Variants in BRD3 observed in about 807,000 individuals in gnomAD.
BRD3 encodes the protein bromodomain-containing protein 3.
Under a neutral mutation model 66.8 loss-of-function variants are expected in BRD3, and 17 were observed. The observed-to-expected ratio is 0.25, with a 90% CI of 0.17 to 0.38. The LOEUF (loss-of-function observed/expected upper bound fraction) is 0.38, where lower values mean the gene tolerates loss of function less well. Ranked by LOEUF, BRD3 falls within the 10% of genes least tolerant of loss-of-function variation. The pLI is 1.00. For missense variants in BRD3, 713 were observed against 956.1 expected (o/e 0.75, Z 3.35); for synonymous variants, 421 against 393.2 (o/e 1.07, Z -0.84).
chr9:134,044,446 A>T (rs529631567), intron 7 of BRD3, among the ~76,000 whole-genome samples: 2 of 152,334 alleles, frequency 1.3e-5, no homozygotes, highest in Admixed American at 1.3e-4. Context: ...TTAACATGAC[A>T]TTCTGGGTCC....
chr9:134,041,956 G>A lies in BRD3; in HGVS notation c.1216-5C>T, dbSNP rs200483482. 36 of 1,569,886 alleles carry A rather than the reference G, an allele frequency of 2.3e-5. No homozygotes were observed. The highest frequency in any genetic ancestry group is 1.8e-4 in the East Asian group (8 of 44,234). On this transcript the variant is annotated splice_region_variant and splice_polypyrimidine_tract_variant and intron_variant, in intron 7 of 11. Coordinates refer to ENST00000303407, the MANE Select transcript of BRD3 (RefSeq NM_007371.4). ...AAACCTCATCTCAAACACGTCCTGCGGCAGAACAGAGGCTGCCCTGAAGAC... is the reference window on the plus strand; with the variant it reads ...AAACCTCATCTCAAACACGTCCTGCAGCAGAACAGAGGCTGCCCTGAAGAC...
Position 134,031,507 on chromosome 9 carries a change from T to C in BRD3, c.*2083A>G, listed in dbSNP as rs1274842448. ...TAGAAAATACCTTTGAAAACGAGGG[T>C]AACTTTAAAAAATGGAAACTTTCAA... On this transcript the variant is annotated 3_prime_UTR_variant, in exon 12 of 12. Transcript: ENST00000303407. The C allele has an allele frequency of 5.0e-6, 1 of 201,664 alleles. No individual in the cohort carries two copies. The highest frequency in any genetic ancestry group is 1.0e-5 in the Non-Finnish European group (1 of 98,182). The allele number at this position is 201,664 out of a possible 1,614,324, so 12.5% of individuals were successfully genotyped here.
chr9:134,053,193 TG>T, intron 2 of BRD3, 71 bp downstream of exon 2: 1 of 1,523,846 alleles, frequency 6.6e-7, no homozygotes, highest in Non-Finnish European at 9.0e-7. Context: ...CTTTCCAGGA[TG>T]GGGGCAGCAG....
intron 1 of BRD3, chr9:134,053,819 G>A: frequency 3.2e-6 from 1 of 311,548 alleles, no homozygotes; most frequent in Admixed American, 4.7e-5. Context: ...GGCACGGGAG[G>A]GAAGGCCTGG....
At chr9:134,060,901 G>A (rs1371734560) in intron 1 of BRD3, among the ~76,000 whole-genome samples, 1 of 152,230 alleles carries the variant, frequency 6.6e-6, no homozygotes, top group Non-Finnish European at 1.5e-5. Context: ...TCTCCATAGG[G>A]CACAGGAGGA....
At chr9:134,035,787 T>C (rs1342707682) in intron 10 of BRD3, among the ~76,000 whole-genome samples, 1 of 152,244 alleles carries the variant, frequency 6.6e-6, no homozygotes, top group African/African-American at 2.4e-5. Context: ...GTGCTGCCCA[T>C]GTCCCCAAGA....
chr9:134,033,162 G>C lies in BRD3; in HGVS notation c.*428C>G. 1 of 401,362 alleles carries C rather than the reference G, an allele frequency of 2.5e-6. No individual in the cohort carries two copies. Among genetic ancestry groups the C allele is most frequent in the South Asian group, 1.2e-4 (1 of 8,194 alleles). The allele number at this position is 401,362 out of a possible 1,614,324, so 24.9% of individuals were successfully genotyped here. A position where few individuals can be genotyped will look rare whatever the true frequency, so the allele number is the denominator to read the frequency against. On this transcript the variant is annotated 3_prime_UTR_variant, in exon 12 of 12. Coordinates refer to ENST00000303407, the MANE Select transcript of BRD3 (RefSeq NM_007371.4). The surrounding 1 kb of genome is among the most constrained non-coding windows in gnomAD (Gnocchi z 5.1). ...TCGGGGCCCAAATGACAAGGACAATGCGTGTTGACAAAGCTAACAGCTTTC... is the reference window on the plus strand; with the variant it reads ...TCGGGGCCCAAATGACAAGGACAATCCGTGTTGACAAAGCTAACAGCTTTC...
intron 3 of BRD3, among the ~76,000 whole-genome samples, chr9:134,051,973 C>T (rs960436672): frequency 1.3e-5 from 2 of 150,766 alleles, no homozygotes; most frequent in African/African-American, 4.9e-5. Context: ...TCACTGCAAC[C>T]TCCACCTCCC....
At chr9:134,042,690 CAT>C (rs1241418538) in intron 7 of BRD3, among the ~76,000 whole-genome samples, 99 of 133,974 alleles carry the variant, frequency 7.4e-4, no homozygotes, top group African/African-American at 2.0e-3. Context: ...CACACACACA[CAT>C]ATACACACAC....
At chr9:134,038,386 G>A (rs918476537) in intron 9 of BRD3, among the ~76,000 whole-genome samples, 1 of 152,148 alleles carries the variant, frequency 6.6e-6, no homozygotes, top group Non-Finnish European at 1.5e-5. Flanking sequence ...GATTACAGGT[G>A]TGAGCCACTG....
At chr9:134,065,596 C>T (rs1368850627) in intron 1 of BRD3, among the ~76,000 whole-genome samples, 5 of 152,248 alleles carry the variant, frequency 3.3e-5, no homozygotes, top group Non-Finnish European at 7.3e-5. Context: ...ATGCCCCCAC[C>T]TCCCAGGCAG....
intron 10 of BRD3, 102 bp downstream of exon 10, chr9:134,035,930 T>C (rs1001769603): frequency 2.1e-6 from 3 of 1,455,338 alleles, no homozygotes; most frequent in Non-Finnish European, 2.8e-6. Flanking sequence ...GTGGCAGCCC[T>C]GTGCCCAAGC....
At chr9:134,049,397 G>C (rs977104364) in intron 5 of BRD3, among the ~76,000 whole-genome samples, 1 of 152,204 alleles carries the variant, frequency 6.6e-6, no homozygotes, top group African/African-American at 2.4e-5. Flanking sequence ...GCCGTCTAGA[G>C]AGCCACCCAC....
chr9:134,058,281 AAGG>A (rs1244520304), intron 1 of BRD3: 4 of 152,298 alleles, frequency 2.6e-5, no homozygotes, highest in Non-Finnish European at 5.9e-5. Context: ...CTGGGGAGAA[AAGG>A]AGGTGCCCCT....
At chr9:134,068,116 CCAGGGGAGGCCGCGGGCGCG>C (rs1237008262), upstream of BRD3, 3 of 143,670 alleles carry the variant, frequency 2.1e-5, no homozygotes, top group Non-Finnish European at 3.1e-5. Flanking sequence ...CCGGGGCCGC[CCAGGGGAGGCCGCGGGCGCG>C]CGGACTACAT....
rs1237164531 is a variant in BRD3, at chr9:134,031,412, C to T, written c.*2178G>A. ...TGGCAGCACGTTACCAACCAGCCTG[C>T]GTGAAGACCTGTCAACTGTCGTGTG... On this transcript the variant is annotated 3_prime_UTR_variant, in exon 12 of 12. Transcript: ENST00000303407. The T allele has an allele frequency of 6.7e-5, 14 of 207,776 alleles. No homozygotes were observed. Among genetic ancestry groups the T allele is most frequent in the Admixed American group, 6.5e-4 (11 of 16,844 alleles). 12.9% of individuals were successfully genotyped at this position (207,776 alleles called of 1,614,324 possible).
At chr9:134,063,516 C>A (rs1018107078) in intron 1 of BRD3, among the ~76,000 whole-genome samples, 2 of 152,224 alleles carry the variant, frequency 1.3e-5, no homozygotes, top group African/African-American at 4.8e-5. Flanking sequence ...TCCTCTCAGC[C>A]GCTTATAGTA....
At chr9:134,039,978 C>T (rs2132392037) in intron 9 of BRD3, 56 bp downstream of exon 9, 1 of 1,532,634 alleles carries the variant, frequency 6.5e-7, no homozygotes, top group South Asian at 1.2e-5. Context: ...GCTACATGAG[C>T]CCCCATGGCG....
chr9:134,064,784 C>G (rs1490737112), intron 1 of BRD3, among the ~76,000 whole-genome samples: 1 of 152,212 alleles, frequency 6.6e-6, no homozygotes, highest in East Asian at 1.9e-4. Context: ...GAGGCCCGGG[C>G]ACAGGGGCCC....
Sources: allele counts gnomAD v4.1 joint callset (sites outside exome capture counted in the v4.1 genomes callset), GRCh38; gene constraint gnomAD v4.1.1; non-coding constraint Gnocchi (gnomAD v3.1); transcripts MANE v1.5; gene names NCBI Gene and HGNC (gene_info 2026-07-23, HGNC 2026-07-21).